The following SORCS2 variants were observed in gnomAD, a reference collection of about 807,000 sequenced individuals.
SORCS2 encodes the protein sortilin related VPS10 domain containing receptor 2.
In SORCS2, 100 loss-of-function variants were observed where a neutral mutation model predicts 141.6. The ratio of observed to expected loss-of-function variants is 0.71; its 90% CI spans 0.60 to 0.83. The LOEUF is 0.83. Ranked by LOEUF, SORCS2 falls within the 40% of genes least tolerant of loss-of-function variation. SORCS2 has a pLI of 0.00. For synonymous variants in SORCS2, 789 were observed against 676.9 expected (o/e 1.17, Z -2.57); for missense variants, 1,646 against 1,560.2 (o/e 1.05, Z -0.93).
At chr4:7,668,978 GGA>G (rs1364084774) in intron 8 of SORCS2, among the ~76,000 whole-genome samples, 1 of 152,194 alleles carries the variant, frequency 6.6e-6, no homozygotes, top group Non-Finnish European at 1.5e-5. Flanking sequence ...GGTGCTCTAA[GGA>G]GCCTATGGCT....
Position 7,651,051 on chromosome 4 carries a change from A to T in SORCS2, c.814-3083A>T, listed in dbSNP as rs886371. 9.9e-3 allele frequency among the ~76,000 whole-genome samples: 1,505 copies of T among 152,242 alleles called. 12 individuals carry two copies. The highest frequency in any genetic ancestry group is 0.016 in the African/African-American group (654 of 41,536). On this transcript the variant is annotated intron_variant, in intron 4 of 26. Coordinates refer to ENST00000507866, the MANE Select transcript of SORCS2 (RefSeq NM_020777.3). ...CGCAAATCAAAGATGAACTGGGGAC[A>T]TCAGTTATAGAATCACTGGCCCAGC... is the stretch of plus-strand genomic sequence containing the variant.
intron 1 of SORCS2, among the ~76,000 whole-genome samples, chr4:7,349,847 C>T (rs1398591552): frequency 2.0e-5 from 3 of 152,142 alleles, no homozygotes; most frequent in Non-Finnish European, 4.4e-5. Flanking sequence ...CTGGACATAA[C>T]GCCCCTAGAG....
At chr4:7,650,010 C>T (rs1487985415) in intron 4 of SORCS2, among the ~76,000 whole-genome samples, 1 of 152,188 alleles carries the variant, frequency 6.6e-6, no homozygotes, top group Non-Finnish European at 1.5e-5. Context: ...GCCCGTTATG[C>T]AGATGAAGAA....
intron 3 of SORCS2, among the ~76,000 whole-genome samples, chr4:7,563,900 A>G (rs555769518): frequency 1.6e-3 from 245 of 152,352 alleles, no homozygotes; most frequent in Non-Finnish European, 2.7e-3. Context: ...CAATTGGGCT[A>G]AAATTTAAAC....
intron 2 of SORCS2, among the ~76,000 whole-genome samples, chr4:7,515,911 C>T (rs1732947636): frequency 6.6e-6 from 1 of 152,168 alleles, no homozygotes; most frequent in African/African-American, 2.4e-5. Context: ...GCAAGTGACT[C>T]CACTTCTCTG....
At chr4:7,241,826 C>G (rs1041001198) in intron 1 of SORCS2, among the ~76,000 whole-genome samples, 2 of 152,208 alleles carry the variant, frequency 1.3e-5, no homozygotes. Flanking sequence ...AATGAGCAAA[C>G]ATCTGTGTGC....
chr4:7,613,997 C>G (rs1718590674), intron 3 of SORCS2, among the ~76,000 whole-genome samples: 1 of 151,946 alleles, frequency 6.6e-6, no homozygotes, highest in Non-Finnish European at 1.5e-5. Context: ...ATCCATCCAC[C>G]TATTCATCAA....
At chr4:7,379,708 C>T (rs900315621) in intron 1 of SORCS2, among the ~76,000 whole-genome samples, 2 of 152,072 alleles carry the variant, frequency 1.3e-5, no homozygotes, top group African/African-American at 2.4e-5. Context: ...TTTTTAGATT[C>T]GTTCTCTAAG....
Position 7,244,109 on chromosome 4 carries a change from C to T in SORCS2, c.480+50983C>T, listed in dbSNP as rs550545886. Among the ~76,000 whole-genome samples, 5 of 152,300 alleles carry T rather than the reference C, an allele frequency of 3.3e-5. No individual in the cohort carries two copies. The East Asian group carries it at 5.8e-4, about 18-fold the overall frequency. ...CTGCATGGAACGGGAAAGAGGGTCC[C>T]CACTTCTGAAGCACATAGGAAGGGG... On this transcript the variant is annotated intron_variant, in intron 1 of 26. Transcript: ENST00000507866.
chr4:7,436,882 G>A (rs775594928), intron 2 of SORCS2, among the ~76,000 whole-genome samples: 46 of 152,288 alleles, frequency 3.0e-4, no homozygotes, highest in Admixed American at 2.6e-4. Context: ...ATGGAGGAGC[G>A]GCACGGATTG....
chr4:7,741,627 C>G lies in SORCS2; in HGVS notation c.*1363C>G, dbSNP rs1712686329. The G allele has an allele frequency of 5.6e-6, 1 of 178,732 alleles. No homozygotes were observed. Among genetic ancestry groups the G allele is most frequent in the Non-Finnish European group, 1.1e-5 (1 of 87,380 alleles). The allele number at this position is 178,732 out of a possible 1,614,324, so 11.1% of individuals were successfully genotyped here. A position where few individuals can be genotyped will look rare whatever the true frequency, so the allele number is the denominator to read the frequency against. Reference sequence around the variant, plus strand: ...TGGGGGTGAATCCCAATGAGGGTCCCTCTCAGAGCGGGAGAACGCCAGAGC... The same window carrying G: ...TGGGGGTGAATCCCAATGAGGGTCCGTCTCAGAGCGGGAGAACGCCAGAGC... On this transcript the variant is annotated 3_prime_UTR_variant, in exon 27 of 27. Coordinates refer to ENST00000507866, the MANE Select transcript of SORCS2 (RefSeq NM_020777.3).
intron 4 of SORCS2, among the ~76,000 whole-genome samples, chr4:7,649,479 C>G (rs1682033478): frequency 6.6e-6 from 1 of 152,122 alleles, no homozygotes; most frequent in East Asian, 1.9e-4. Context: ...GGGCTGAGAG[C>G]AGGGGTCCAC....
chr4:7,285,058 G>T (rs1374533292), intron 1 of SORCS2, among the ~76,000 whole-genome samples: 2 of 149,216 alleles, frequency 1.3e-5, no homozygotes, highest in African/African-American at 4.9e-5. Context: ...TTGAGATGGA[G>T]TTTCACTCTT....
intron 1 of SORCS2, among the ~76,000 whole-genome samples, chr4:7,349,945 A>G (rs1342408765): frequency 6.6e-6 from 1 of 152,006 alleles, no homozygotes; most frequent in Non-Finnish European, 1.5e-5. Context: ...TGTTTTTCCC[A>G]CCACTGGACA....
Position 7,735,741 on chromosome 4 carries a change from A to T in SORCS2, c.3312-1328A>T, listed in dbSNP as rs117557148. 5.3e-4 allele frequency among the ~76,000 whole-genome samples: 80 copies of T among 152,262 alleles called. No individual in the cohort carries two copies. The East Asian group carries it at 0.011, about 21-fold the overall frequency. On this transcript the variant is annotated intron_variant, in intron 25 of 26. Transcript: ENST00000507866. ...ACTGCAAATTTAAATCAAACTCAGC[A>T]TCTTCTTCCCCCAAAGCTGGTGCTG...
At position 7,648,753 on chromosome 4, in the gene SORCS2, C is replaced by A. The variant is rs1303897647; in HGVS notation, c.814-5381C>A. 6.6e-6 allele frequency among the ~76,000 whole-genome samples: 1 copy of A among 152,096 alleles called. No individual in the cohort carries two copies. Among genetic ancestry groups the A allele is most frequent in the Non-Finnish European group, 1.5e-5 (1 of 67,996 alleles). ...AGGAAGAGAGGCTAGAAACCAGGGACAGGCACCAGGGCGGCCCCGGGGAGC... is the reference window on the plus strand; with the variant it reads ...AGGAAGAGAGGCTAGAAACCAGGGAAAGGCACCAGGGCGGCCCCGGGGAGC... On this transcript the variant is annotated intron_variant, in intron 4 of 26. Coordinates refer to ENST00000507866, the MANE Select transcript of SORCS2 (RefSeq NM_020777.3). This position sits in a 1 kb window ranked among gnomAD's most constrained non-coding sequence, Gnocchi z 4.2.
intron 2 of SORCS2, among the ~76,000 whole-genome samples, chr4:7,452,438 G>A (rs537859968): frequency 1.2e-4 from 18 of 152,306 alleles, no homozygotes; most frequent in Non-Finnish European, 1.8e-4. Context: ...CACTGTGCTC[G>A]GCCTGGAAGG....
At chr4:7,421,898 G>C (rs1035551576) in intron 2 of SORCS2, among the ~76,000 whole-genome samples, 1 of 110,574 alleles carries the variant, frequency 9.0e-6, no homozygotes, top group Non-Finnish European at 2.1e-5. Flanking sequence ...TGCAGGAGAG[G>C]GAGGGCAGGG....
At chr4:7,586,198 T>C (rs1386852871) in intron 3 of SORCS2, among the ~76,000 whole-genome samples, 3 of 152,200 alleles carry the variant, frequency 2.0e-5, no homozygotes, top group African/African-American at 4.8e-5. Context: ...TCCCTCCCAT[T>C]AATTTGACTG....
Sources: allele counts gnomAD v4.1 joint callset (sites outside exome capture counted in the v4.1 genomes callset), GRCh38; gene constraint gnomAD v4.1.1; non-coding constraint Gnocchi (gnomAD v3.1); transcripts MANE v1.5; gene names NCBI Gene and HGNC (gene_info 2026-07-23, HGNC 2026-07-21).